HTR2A: variants seen among roughly 807,000 people sequenced by gnomAD.
HTR2A encodes the protein 5-HT2 receptor.
A neutral mutation model predicts 31.0 loss-of-function variants in HTR2A; 14 were observed. That is an observed-to-expected ratio of 0.45 (90% CI 0.30 to 0.71). HTR2A has a LOEUF of 0.71. Ranked by LOEUF, HTR2A falls within the 30% of genes least tolerant of loss-of-function variation. The probability of loss-of-function intolerance (pLI) is 0.09; values close to 1 mark genes in which losing one functional copy is unlikely to be tolerated. For missense variants in HTR2A, 442 were observed against 573.3 expected (o/e 0.77, Z 2.34); for synonymous variants, 209 against 225.2 (o/e 0.93, Z 0.64).
At chr13:46,867,049 T>C (rs1950823702) in intron 3 of HTR2A, among the ~76,000 whole-genome samples, 1 of 152,058 alleles carries the variant, frequency 6.6e-6, no homozygotes, top group African/African-American at 2.4e-5. Flanking sequence ...GTGAGGGAGA[T>C]AGATAAAGCT....
At chr13:46,869,069 C>T (rs1179342022) in intron 3 of HTR2A, among the ~76,000 whole-genome samples, 1 of 151,996 alleles carries the variant, frequency 6.6e-6, no homozygotes, top group Non-Finnish European at 1.5e-5. Context: ...CAAACAAAAA[C>T]AGAAAAATAG....
chr13:46,863,252 TTGATAGCTC>T (rs1950793491), intron 3 of HTR2A, among the ~76,000 whole-genome samples: 2 of 152,168 alleles, frequency 1.3e-5, no homozygotes, highest in South Asian at 4.1e-4. Flanking sequence ...AGAATGCAGT[TTGATAGCTC>T]TGATGCTTAA....
In HTR2A at chr13:46,834,998, A is replaced by G; in HGVS notation, c.1255T>C (p.Tyr419His). The change falls in exon 4 of 4, where the codon TAC (tyrosine) becomes CAC (histidine). Residue 419 changes from tyrosine to histidine, a missense_variant. By Grantham distance (83) the Tyr-to-His change is moderately conservative. Coordinates refer to ENST00000542664, the MANE Select transcript of HTR2A (RefSeq NM_000621.5). ...ILVNTIPALA[Y>H]KSSQLQMGQK... ...CCCATTTGAAGTTGGCTAGACTTGTAGGCCAAAGCCGGTATTGTGTTCACT... is the reference window on the plus strand; with the variant it reads ...CCCATTTGAAGTTGGCTAGACTTGTGGGCCAAAGCCGGTATTGTGTTCACT... 6.2e-7 allele frequency: 1 copy of G among 1,614,144 alleles called. No individual in the cohort carries two copies. The highest frequency in any genetic ancestry group is 8.5e-7 in the Non-Finnish European group (1 of 1,179,990).
intron 3 of HTR2A, among the ~76,000 whole-genome samples, chr13:46,876,066 A>G (rs1173497638): frequency 6.6e-6 from 1 of 152,204 alleles, no homozygotes; most frequent in Non-Finnish European, 1.5e-5. Flanking sequence ...AATGTTATAG[A>G]GTTATAAAAA....
chr13:46,869,286 A>G (rs1950845687), intron 3 of HTR2A, among the ~76,000 whole-genome samples: 1 of 152,162 alleles, frequency 6.6e-6, no homozygotes, highest in South Asian at 2.1e-4. Context: ...TTGAATAGGG[A>G]TTTCTTCAAA....
chr13:46,863,249 A>G (rs964159562), intron 3 of HTR2A, among the ~76,000 whole-genome samples: 8 of 152,200 alleles, frequency 5.3e-5, no homozygotes, highest in Non-Finnish European at 1.5e-5. Context: ...AAGAGAATGC[A>G]GTTTGATAGC....
At chr13:46,861,794 A>G (rs1459720996) in intron 3 of HTR2A, among the ~76,000 whole-genome samples, 1 of 152,206 alleles carries the variant, frequency 6.6e-6, no homozygotes, top group Non-Finnish European at 1.5e-5. Context: ...ATTTTTACCT[A>G]TCTTACAATT....
chr13:46,850,240 T>C (rs933263148), intron 3 of HTR2A, among the ~76,000 whole-genome samples: 1 of 152,154 alleles, frequency 6.6e-6, no homozygotes, highest in African/African-American at 2.4e-5. Flanking sequence ...TATGTCATGG[T>C]GGTGGTAGTA....
rs1196139872 is a variant in HTR2A at position 46,834,676 on chromosome 13, T to C, written c.*161A>G. 4 of 589,756 alleles carry C rather than the reference T, an allele frequency of 6.8e-6. No individual in the cohort carries two copies. The highest frequency in any genetic ancestry group is 2.8e-5 in the East Asian group (1 of 36,036). The allele number at this position is 589,756 out of a possible 1,614,324, so 36.5% of individuals were successfully genotyped here. ...TTTTCCAAGCACACATTTTGTAGCATTGAACCCCGCTTTTCATTGACAGAA... is the reference window on the plus strand; with the variant it reads ...TTTTCCAAGCACACATTTTGTAGCACTGAACCCCGCTTTTCATTGACAGAA... On this transcript the variant is annotated 3_prime_UTR_variant, in exon 4 of 4. Coordinates refer to ENST00000542664, the MANE Select transcript of HTR2A (RefSeq NM_000621.5).
intron 2 of HTR2A, among the ~76,000 whole-genome samples, chr13:46,893,072 T>C (rs2138256482): frequency 6.6e-6 from 1 of 152,334 alleles, no homozygotes; most frequent in East Asian, 1.9e-4. Context: ...GGCAATAAAT[T>C]GCATTAGTGC....
chr13:46,840,863 A>G (rs1950591855), intron 3 of HTR2A, among the ~76,000 whole-genome samples: 3 of 152,168 alleles, frequency 2.0e-5, no homozygotes, highest in Admixed American at 6.5e-5. Context: ...ACTAATAAGC[A>G]CTAAATTACA....
chr13:46,893,056 A>G (rs1951067591), intron 2 of HTR2A, among the ~76,000 whole-genome samples: 1 of 152,190 alleles, frequency 6.6e-6, no homozygotes, highest in Admixed American at 6.5e-5. Flanking sequence ...AGTCCCATAC[A>G]GTGATGGCAA....
chr13:46,882,883 T>C (rs1343509760), intron 3 of HTR2A, among the ~76,000 whole-genome samples: 1 of 152,168 alleles, frequency 6.6e-6, no homozygotes, highest in African/African-American at 2.4e-5. Context: ...CCAAGAGAGA[T>C]CCACCATGCA....
At chr13:46,857,231 G>A (rs554258844) in intron 3 of HTR2A, among the ~76,000 whole-genome samples, 24 of 151,456 alleles carry the variant, frequency 1.6e-4, no homozygotes, top group African/African-American at 4.1e-4. Context: ...CCTGAGAGGC[G>A]GAGGTTTCAG....
chr13:46,849,759 TG>T (rs754022893), intron 3 of HTR2A, among the ~76,000 whole-genome samples: 43 of 152,228 alleles, frequency 2.8e-4, no homozygotes, highest in Non-Finnish European at 4.7e-4. Flanking sequence ...TTCTCTGATT[TG>T]TTTTTTTCCT....
intron 3 of HTR2A, among the ~76,000 whole-genome samples, chr13:46,854,460 T>C (rs1392958398): frequency 6.6e-6 from 1 of 152,248 alleles, no homozygotes; most frequent in East Asian, 1.9e-4. Flanking sequence ...GATTTTTATA[T>C]TACAAGAGGG....
At chr13:46,856,733 G>A (rs1013368496) in intron 3 of HTR2A, among the ~76,000 whole-genome samples, 15 of 152,164 alleles carry the variant, frequency 9.9e-5, no homozygotes, top group Admixed American at 2.6e-4. Flanking sequence ...GAGGGTTATC[G>A]TTATCTAATT....
Position 46,896,931 on chromosome 13 carries a change from A to G in HTR2A, c.-586T>C, listed in dbSNP as rs1951110565. The G allele has an allele frequency of 1.0e-6, 1 of 966,448 alleles. No individual in the cohort carries two copies. The highest frequency in any genetic ancestry group is 1.7e-5 in the African/African-American group (1 of 60,410). The allele number at this position is 966,448 out of a possible 1,614,324, so 59.9% of individuals were successfully genotyped here. A position where few individuals can be genotyped will look rare whatever the true frequency, so the allele number is the denominator to read the frequency against. ...CCCTCCCTGTGCGGCTCGCCTCAGC[A>G]GGCACACATTTAGAAATCATTCACG... On this transcript the variant is annotated 5_prime_UTR_variant, in exon 1 of 4. Coordinates refer to ENST00000542664, the MANE Select transcript of HTR2A (RefSeq NM_000621.5).
intron 3 of HTR2A, among the ~76,000 whole-genome samples, chr13:46,837,278 C>G (rs1302705493): frequency 1.3e-5 from 2 of 152,166 alleles, no homozygotes; most frequent in East Asian, 3.8e-4. Context: ...ATAGGTGTAT[C>G]TTTCTCTACT....
Sources: gnomAD v4.1 joint callset for allele counts (sites outside exome capture counted in the v4.1 genomes callset) on GRCh38, gnomAD v4.1.1 for gene constraint, MANE v1.5 for transcripts, NCBI Gene and HGNC (gene_info 2026-07-23, HGNC 2026-07-21) for gene names.